The following ICA1L variants were observed in gnomAD, a reference collection of about 807,000 sequenced individuals.
ICA1L encodes the protein islet cell autoantigen 1 like, also known as islet cell autoantigen 1-like protein.
A neutral mutation model predicts 61.3 loss-of-function variants in ICA1L; 50 were observed. The ratio of observed to expected loss-of-function variants is 0.82; its 90% confidence interval spans 0.65 to 1.03. ICA1L has a LOEUF of 1.03. Ranked by LOEUF, ICA1L falls within the 50% of genes least tolerant of loss-of-function variation. The pLI is 0.00. For synonymous variants in ICA1L, 161 were observed against 191.3 expected (o/e 0.84, Z 1.31); for missense variants, 508 against 556.7 (o/e 0.91, Z 0.88).
intron 1 of ICA1L, chr2:202,840,650 G>C: frequency 1.7e-6 from 1 of 585,634 alleles, no homozygotes; most frequent in South Asian, 1.4e-5. Context: ...CCTGATGTTC[G>C]TCAGTTCCTG....
intron 1 of ICA1L, among the ~76,000 whole-genome samples, chr2:202,829,392 AACTC>A (rs1220113814): frequency 6.6e-6 from 1 of 152,210 alleles, no homozygotes; most frequent in African/African-American, 2.4e-5. Flanking sequence ...AACCAAAAAA[AACTC>A]AATAAATATG....
At chr2:202,822,803 C>T (rs549062344) in intron 3 of ICA1L, among the ~76,000 whole-genome samples, 2 of 152,292 alleles carry the variant, frequency 1.3e-5, no homozygotes, top group South Asian at 4.2e-4. Flanking sequence ...CCCCTGTCCC[C>T]GCTGCCATGC....
At chr2:202,784,738 T>C (rs562468953) in intron 12 of ICA1L, among the ~76,000 whole-genome samples, 3 of 152,154 alleles carry the variant, frequency 2.0e-5, no homozygotes, top group Non-Finnish European at 4.4e-5. Context: ...AAATACTGCA[T>C]TATTTCAGTT....
chr2:202,813,769 G>T (rs1693446609), intron 8 of ICA1L, among the ~76,000 whole-genome samples: 1 of 152,176 alleles, frequency 6.6e-6, no homozygotes, highest in African/African-American at 2.4e-5. Flanking sequence ...AAAACAAAGG[G>T]ACAATAATAT....
intron 1 of ICA1L, among the ~76,000 whole-genome samples, chr2:202,829,979 T>C (rs887043551): frequency 6.6e-6 from 1 of 152,206 alleles, no homozygotes; most frequent in Non-Finnish European, 1.5e-5. Flanking sequence ...ACACATACTC[T>C]TTAAAAATCA....
At chr2:202,850,904 C>T (rs1694599813) in intron 1 of ICA1L, among the ~76,000 whole-genome samples, 1 of 152,086 alleles carries the variant, frequency 6.6e-6, no homozygotes, top group African/African-American at 2.4e-5. Flanking sequence ...GTCAGGTTAC[C>T]GACAAAGGGA....
chr2:202,845,316 C>G (rs1015880640), intron 1 of ICA1L, among the ~76,000 whole-genome samples: 1 of 152,160 alleles, frequency 6.6e-6, no homozygotes, highest in Non-Finnish European at 1.5e-5. Flanking sequence ...AGGATAGGCT[C>G]AAGTAATTTC....
In ICA1L at chr2:202,789,979, G is replaced by A. The variant is rs10176877; in HGVS notation, c.986-892C>T. ...CAGTCCTAGCTGGCATGATAAGGAA[G>A]TCCCCTCTGCTTTAACCCTTACAAG... On this transcript the variant is annotated intron_variant, in intron 10 of 12. Transcript: ENST00000358299. Among the ~76,000 whole-genome samples the A allele has an allele frequency of 9.1e-4, 138 of 152,322 alleles. 1 individual carries two copies. Among genetic ancestry groups the A allele is most frequent in the African/African-American group, 3.1e-3 (130 of 41,574 alleles).
chr2:202,855,803 C>T (rs760627019), intron 1 of ICA1L, among the ~76,000 whole-genome samples: 20 of 152,164 alleles, frequency 1.3e-4, no homozygotes, highest in Middle Eastern at 3.4e-3. Flanking sequence ...CGGCTGGGCG[C>T]GGTGGCTCAC....
chr2:202,866,453 C>A (rs543581364), intron 1 of ICA1L, among the ~76,000 whole-genome samples: 2 of 152,176 alleles, frequency 1.3e-5, no homozygotes, highest in Non-Finnish European at 2.9e-5. Flanking sequence ...ATTACGCAGT[C>A]TCAGGTATTC....
At chr2:202,779,915 G>C (rs1452823395) in intron 12 of ICA1L, among the ~76,000 whole-genome samples, 2 of 151,498 alleles carry the variant, frequency 1.3e-5, no homozygotes, top group Non-Finnish European at 1.5e-5. Flanking sequence ...AGAACACTAG[G>C]ATTATAGGCC....
At chr2:202,841,495 C>T in intron 1 of ICA1L, 1 of 770,106 alleles carries the variant, frequency 1.3e-6, no homozygotes, top group South Asian at 1.4e-5. Context: ...GTTGAGGGTC[C>T]TTCTCCTGGG....
At chr2:202,857,053 T>G (rs1272652185) in intron 1 of ICA1L, among the ~76,000 whole-genome samples, 1 of 152,168 alleles carries the variant, frequency 6.6e-6, no homozygotes, top group East Asian at 1.9e-4. Context: ...ATGGCTATAG[T>G]GCCCAAAGTA....
At chr2:202,832,298 A>G (rs762613844) in intron 1 of ICA1L, among the ~76,000 whole-genome samples, 30 of 152,126 alleles carry the variant, frequency 2.0e-4, no homozygotes, top group Non-Finnish European at 3.8e-4. Context: ...CAGTGGGGAA[A>G]GGGCAGTCAA....
chr2:202,780,909 A>G (rs953187208), intron 12 of ICA1L, among the ~76,000 whole-genome samples: 1 of 152,190 alleles, frequency 6.6e-6, no homozygotes, highest in Non-Finnish European at 1.5e-5. Context: ...AGTAGTAACC[A>G]TATGATTCAT....
intron 1 of ICA1L, among the ~76,000 whole-genome samples, chr2:202,852,283 C>A (rs951162195): frequency 5.9e-5 from 9 of 152,016 alleles, no homozygotes; most frequent in Non-Finnish European, 1.3e-4. Flanking sequence ...ATGGCTGGGT[C>A]AAATGGTATT....
At chr2:202,826,785 A>G (rs1261533016) in intron 2 of ICA1L, among the ~76,000 whole-genome samples, 1 of 151,542 alleles carries the variant, frequency 6.6e-6, no homozygotes, top group Non-Finnish European at 1.5e-5. Flanking sequence ...TCTGTTCAGA[A>G]TCTACACTAA....
At chr2:202,828,252 G>A (rs1474424491) in intron 2 of ICA1L, among the ~76,000 whole-genome samples, 5 of 115,650 alleles carry the variant, frequency 4.3e-5, no homozygotes, top group East Asian at 4.9e-4. Flanking sequence ...CAACCAGAGC[G>A]AACCTCCATC....
At chr2:202,789,221 TG>T in intron 10 of ICA1L, 134 bp from the exon 11 acceptor site, 1 of 724,670 alleles carries the variant, frequency 1.4e-6, no homozygotes, top group South Asian at 2.1e-5. Context: ...CTAAAGTGAC[TG>T]GAAGTTTATG....
Sources: allele counts gnomAD v4.1 joint callset (sites outside exome capture counted in the v4.1 genomes callset), GRCh38; gene constraint gnomAD v4.1.1; transcripts MANE v1.5; gene names NCBI Gene and HGNC (gene_info 2026-07-23, HGNC 2026-07-21).